Variants in GRM1 observed in about 807,000 individuals in gnomAD.
The protein encoded by GRM1 is metabotropic glutamate receptor 1.
Under a neutral mutation model 90.9 loss-of-function variants are expected in GRM1, and 33 were observed. The ratio of observed to expected loss-of-function variants is 0.36; its 90% CI spans 0.28 to 0.49. The LOEUF is 0.49. Among genes scored for constraint, GRM1 ranks in the 20% least tolerant of loss-of-function variants. GRM1 has a pLI of 0.99. For missense variants in GRM1, 1,190 were observed against 1,534.3 expected (o/e 0.78, Z 3.75); for synonymous variants, 700 against 613.2 (o/e 1.14, Z -2.09).
intron 7 of GRM1, among the ~76,000 whole-genome samples, chr6:146,423,465 A>AT (rs3065806): frequency 0.016 from 2,293 of 145,250 alleles, 35 homozygotes; most frequent in Middle Eastern, 0.042. Flanking sequence ...GAGATGCTCT[A>AT]TTTTTTTTTT....
At chr6:146,178,974 A>G (rs1056667610) in intron 2 of GRM1, among the ~76,000 whole-genome samples, 2 of 152,148 alleles carry the variant, frequency 1.3e-5, no homozygotes, top group Non-Finnish European at 2.9e-5. Flanking sequence ...TAAGAATGGG[A>G]ATCGATTTTA....
intron 2 of GRM1, among the ~76,000 whole-genome samples, chr6:146,251,930 G>A (rs1781300509): frequency 6.6e-6 from 1 of 152,016 alleles, no homozygotes; most frequent in Non-Finnish European, 1.5e-5. Flanking sequence ...TATTTCCAGG[G>A]CTCATGCCTT....
chr6:146,179,937 T>C (rs1347119960), intron 2 of GRM1, among the ~76,000 whole-genome samples: 7 of 151,206 alleles, frequency 4.6e-5, no homozygotes. Context: ...AGTCCAGGAG[T>C]TCAAGACCAG....
chr6:146,358,230 T>C (rs566497862), intron 5 of GRM1, among the ~76,000 whole-genome samples: 32 of 148,132 alleles, frequency 2.2e-4, no homozygotes, highest in African/African-American at 7.3e-4. Flanking sequence ...TCAGGAGCTA[T>C]TTGGAGGGTG....
intron 3 of GRM1, among the ~76,000 whole-genome samples, chr6:146,326,167 T>C (rs1784392393): frequency 6.6e-6 from 1 of 152,128 alleles, no homozygotes; most frequent in Non-Finnish European, 1.5e-5. Context: ...TTTTTCACAA[T>C]AGCAACGATG....
At chr6:146,417,865 G>A (rs1172120578) in intron 7 of GRM1, among the ~76,000 whole-genome samples, 2 of 152,022 alleles carry the variant, frequency 1.3e-5, no homozygotes, top group African/African-American at 4.8e-5. Flanking sequence ...ATCAAAGTAA[G>A]GTAATAAAAA....
At chr6:146,273,992 T>C (rs1782263433) in intron 2 of GRM1, among the ~76,000 whole-genome samples, 1 of 152,240 alleles carries the variant, frequency 6.6e-6, no homozygotes, top group Non-Finnish European at 1.5e-5. Flanking sequence ...TGCAGATGCA[T>C]AGGAATAAAA....
chr6:146,406,118 GAC>G (rs1180580327), intron 7 of GRM1, among the ~76,000 whole-genome samples: 1 of 152,178 alleles, frequency 6.6e-6, no homozygotes, highest in Non-Finnish European at 1.5e-5. Context: ...GAAAAGAGGT[GAC>G]AAAGAAGGAA....
chr6:146,287,581 T>A (rs1284254974), intron 2 of GRM1, among the ~76,000 whole-genome samples: 1 of 152,150 alleles, frequency 6.6e-6, no homozygotes, highest in Non-Finnish European at 1.5e-5. Flanking sequence ...CAATCTCCAA[T>A]GAATTTAGCA....
At chr6:146,373,274 A>G (rs1775970963) in intron 5 of GRM1, among the ~76,000 whole-genome samples, 1 of 152,132 alleles carries the variant, frequency 6.6e-6, no homozygotes, top group East Asian at 1.9e-4. Flanking sequence ...GGTAATTTAT[A>G]AGGAAAAGAG....
At chr6:146,221,653 CAT>C (rs1780067418) in intron 2 of GRM1, among the ~76,000 whole-genome samples, 1 of 152,126 alleles carries the variant, frequency 6.6e-6, no homozygotes, top group Non-Finnish European at 1.5e-5. Context: ...CTGCAATAAA[CAT>C]ATGTGTGCAT....
intron 5 of GRM1, among the ~76,000 whole-genome samples, chr6:146,372,851 T>C (rs1390841105): frequency 6.6e-6 from 1 of 152,170 alleles, no homozygotes; most frequent in African/African-American, 2.4e-5. Context: ...TCTGCTGTTT[T>C]GGTTATTATA....
At chr6:146,168,114 G>C (rs1393189576) in intron 2 of GRM1, among the ~76,000 whole-genome samples, 2 of 151,786 alleles carry the variant, frequency 1.3e-5, no homozygotes, top group African/African-American at 4.8e-5. Context: ...CATTTTACTA[G>C]AAGAAATATT....
intron 7 of GRM1, among the ~76,000 whole-genome samples, chr6:146,416,289 T>A (rs1777780055): frequency 6.6e-6 from 1 of 152,126 alleles, no homozygotes. Context: ...CATTTTATTT[T>A]TTTTCCTTCT....
Position 146,204,495 on chromosome 6 carries a change from G to A in GRM1, c.950+44898G>A, listed in dbSNP as rs1051702712. On this transcript the variant is annotated intron_variant, in intron 2 of 7. Transcript: ENST00000282753. ...CACGGTCTATTGTTAACATTTTCATGTAACTTCATAGGGTCCAATGAAATG... is the reference window on the plus strand; with the variant it reads ...CACGGTCTATTGTTAACATTTTCATATAACTTCATAGGGTCCAATGAAATG... Among the ~76,000 whole-genome samples the A allele has an allele frequency of 2.0e-5, 3 of 152,108 alleles. No homozygotes were observed. In the South Asian group the frequency reaches 6.2e-4, roughly 32 times the overall value.
At chr6:146,409,918 A>C (rs1037392884) in intron 7 of GRM1, among the ~76,000 whole-genome samples, 1 of 152,200 alleles carries the variant, frequency 6.6e-6, no homozygotes, top group Non-Finnish European at 1.5e-5. Flanking sequence ...TCTTTGAAAG[A>C]AATCAATAAC....
chr6:146,058,150 C>G (rs1028365182), intron 1 of GRM1, among the ~76,000 whole-genome samples: 1 of 152,028 alleles, frequency 6.6e-6, no homozygotes, highest in African/African-American at 2.4e-5. Context: ...AGATAACGAG[C>G]TGTCATCTTC....
chr6:146,358,790 G>A (rs914219840), intron 5 of GRM1, among the ~76,000 whole-genome samples: 6 of 152,212 alleles, frequency 3.9e-5, no homozygotes, highest in Non-Finnish European at 8.8e-5. Flanking sequence ...TGGCAGCTGA[G>A]AAGAGCTATC....
intron 1 of GRM1, among the ~76,000 whole-genome samples, chr6:146,033,257 G>A (rs778720849): frequency 9.2e-5 from 14 of 152,080 alleles, no homozygotes; most frequent in Non-Finnish European, 1.9e-4. Flanking sequence ...TGCCTACCTG[G>A]AATGTGAGTC....
Sources: allele counts gnomAD v4.1 joint callset (sites outside exome capture counted in the v4.1 genomes callset), GRCh38; gene constraint gnomAD v4.1.1; transcripts MANE v1.5; gene names NCBI Gene and HGNC (gene_info 2026-07-23, HGNC 2026-07-21).